BCL7A: variants seen among roughly 807,000 people sequenced by gnomAD.
BCL7A encodes the protein BAF chromatin remodeling complex subunit BCL7A.
Under a neutral mutation model 28.4 loss-of-function variants are expected in BCL7A, and 11 were observed. The ratio of observed to expected loss-of-function variants is 0.39; its 90% CI spans 0.24 to 0.64. The LOEUF (loss-of-function observed/expected upper bound fraction) is 0.64. Ranked by LOEUF, BCL7A falls within the 30% of genes least tolerant of loss-of-function variation. The probability of loss-of-function intolerance (pLI) is 0.50; values close to 1 mark genes in which losing one functional copy is unlikely to be tolerated. For synonymous variants in BCL7A, 123 were observed against 103.3 expected (o/e 1.19, Z -1.15); for missense variants, 222 against 274.8 (o/e 0.81, Z 1.36).
In BCL7A at chr12:122,059,679, C is replaced by T. The variant is rs73417628; in HGVS notation, c.*516C>T. ...CTTGGTTTGGTTCGGGCGGCGGCTG[C>T]CACCCTACTCACCGCTCTCCTCCCT... On this transcript the variant is annotated 3_prime_UTR_variant, in exon 6 of 6. Transcript: ENST00000261822. This position sits in a 1 kb window ranked among gnomAD's most constrained non-coding sequence, Gnocchi z 4.0. The T allele has an allele frequency of 0.03, 6,954 of 232,988 alleles. 469 individuals are homozygous for T. Among genetic ancestry groups the T allele is most frequent in the African/African-American group, 0.14 (6,388 of 45,348 alleles). The allele number at this position is 232,988 out of a possible 1,614,324, so 14.4% of individuals were successfully genotyped here. A position where few individuals can be genotyped will look rare whatever the true frequency, so the allele number is the denominator to read the frequency against.
At chr12:122,046,314 G>A (rs150906843) in intron 4 of BCL7A, among the ~76,000 whole-genome samples, 9 of 152,250 alleles carry the variant, frequency 5.9e-5, no homozygotes, top group Non-Finnish European at 1.2e-4. Flanking sequence ...ACACCCATGA[G>A]GAGCTGGCGA....
rs1242583095 is a variant in BCL7A at position 122,021,916 on chromosome 12, TTGTGTGTGTGTGTATGTGTGTG to T, written c.-162_-141del. Reference sequence around the variant, plus strand: ...GCCAGGCGCGCGGCGGCCCCGGGCTTTGTGTGTGTGTGTATGTGTGTGTGTGTGTGTGTGTGTGTGTGAGTGT... The same window carrying T: ...GCCAGGCGCGCGGCGGCCCCGGGCTTTGTGTGTGTGTGTGTGTGTGAGTGT... On this transcript the variant is annotated 5_prime_UTR_variant, in exon 1 of 6. An upstream start codon of the reference 5' UTR is lost. Coordinates refer to ENST00000261822, the MANE Select transcript of BCL7A (RefSeq NM_001024808.3). 6.2e-5 allele frequency: 22 copies of T among 353,828 alleles called. No individual in the cohort carries two copies. The highest frequency in any genetic ancestry group is 4.0e-4 in the Admixed American group (8 of 20,086). The allele number at this position is 353,828 out of a possible 1,614,324, so 21.9% of individuals were successfully genotyped here.
At chr12:122,055,056 T>A in intron 5 of BCL7A, 130 bp downstream of exon 5, 2 of 1,558,294 alleles carry the variant, frequency 1.3e-6, no homozygotes, top group Non-Finnish European at 1.7e-6. Context: ...AACTGTCATT[T>A]GTCCATTGGG....
chr12:122,056,960 T>A (rs1397751506), intron 5 of BCL7A, among the ~76,000 whole-genome samples: 1 of 152,188 alleles, frequency 6.6e-6, no homozygotes, highest in African/African-American at 2.4e-5. Flanking sequence ...CTCTGCAACA[T>A]TTATCTCTGA....
At chr12:122,039,507 A>T (rs1419070446) in intron 3 of BCL7A, among the ~76,000 whole-genome samples, 4 of 140,704 alleles carry the variant, frequency 2.8e-5, no homozygotes, top group Admixed American at 7.5e-5. Context: ...TATATATATA[A>T]TATATATATT....
At chr12:122,032,240 T>C (rs1034750594) in intron 2 of BCL7A, among the ~76,000 whole-genome samples, 1 of 152,174 alleles carries the variant, frequency 6.6e-6, no homozygotes, top group African/African-American at 2.4e-5. Flanking sequence ...ACTTGGGCCT[T>C]TGTTGTCCCT....
rs1951898727 is a variant in BCL7A, at chr12:122,059,081, C to T, written c.562-11C>T. The T allele has an allele frequency of 6.3e-7, 1 of 1,599,414 alleles. No homozygotes were observed. Among genetic ancestry groups the T allele is most frequent in the Non-Finnish European group, 8.6e-7 (1 of 1,166,560 alleles). On this transcript the variant is annotated splice_polypyrimidine_tract_variant and intron_variant, in intron 5 of 5. Coordinates refer to ENST00000261822, the MANE Select transcript of BCL7A (RefSeq NM_001024808.3). This position sits in a 1 kb window ranked among gnomAD's most constrained non-coding sequence, Gnocchi z 4.0. ...CATTAACCTGTGTTCCCCTTTTCTC[C>T]TCTCCCCAAGGATTTGGAAGGAGTG...
At chr12:122,040,726 GTGGGCCGGGCAAGTTTTC>G (rs1883948854) in intron 3 of BCL7A, among the ~76,000 whole-genome samples, 1 of 152,042 alleles carries the variant, frequency 6.6e-6, no homozygotes, top group African/African-American at 2.4e-5. Context: ...AGGGAAAGGT[GTGGGCCGGGCAAGTTTTC>G]TGGAAGGCTT....
Position 122,031,016 on chromosome 12 carries a change from GTCT to G in BCL7A, c.174+258_174+260del, listed in dbSNP as rs113429275. On this transcript the variant is annotated intron_variant, in intron 2 of 5. Coordinates refer to ENST00000261822, the MANE Select transcript of BCL7A (RefSeq NM_001024808.3). ...TGGACGGGGGGATCCCGCAAGCTGT[GTCT>G]TCTTCTTCTTCTTCTTCTTCTTTTT... Among the ~76,000 whole-genome samples the G allele has an allele frequency of 5.2e-4, 79 of 151,642 alleles. 1 individual carries two copies. The South Asian group carries it at 5.8e-3, about 11-fold the overall frequency.
intron 1 of BCL7A, among the ~76,000 whole-genome samples, chr12:122,022,946 T>A (rs1883504146): frequency 6.6e-6 from 1 of 152,100 alleles, no homozygotes; most frequent in Admixed American, 6.5e-5. Context: ...CAGAAGCCGT[T>A]CGTCCTGGGC....
At chr12:122,031,865 C>T (rs1463385793) in intron 2 of BCL7A, among the ~76,000 whole-genome samples, 1 of 152,220 alleles carries the variant, frequency 6.6e-6, no homozygotes, top group Non-Finnish European at 1.5e-5. Flanking sequence ...TTCGTGGTTC[C>T]CAGGCCAGTT....
chr12:122,058,204 T>C (rs1033313964), intron 5 of BCL7A, among the ~76,000 whole-genome samples: 8 of 151,816 alleles, frequency 5.3e-5, no homozygotes, highest in Non-Finnish European at 7.4e-5. Context: ...CTAAAAAAAA[T>C]TATAAAAAGA....
chr12:122,028,293 C>G (rs767149259), intron 1 of BCL7A, among the ~76,000 whole-genome samples: 1 of 152,182 alleles, frequency 6.6e-6, no homozygotes, highest in African/African-American at 2.4e-5. Context: ...CTGCGGTGGC[C>G]TCGAGCCTCG....
intron 2 of BCL7A, among the ~76,000 whole-genome samples, chr12:122,033,339 G>T (rs537560696): frequency 1.8e-4 from 27 of 151,892 alleles, no homozygotes; most frequent in African/African-American, 6.5e-4. Context: ...TTTTGAGACA[G>T]AGTCTCACTC....
chr12:122,060,266 T>C lies in BCL7A; in HGVS notation c.*1103T>C, dbSNP rs899402972. The C allele has an allele frequency of 2.6e-5, 6 of 232,666 alleles. No homozygotes were observed. 14.4% of individuals were successfully genotyped at this position (232,666 alleles called of 1,614,324 possible). A position where few individuals can be genotyped will look rare whatever the true frequency, so the allele number is the denominator to read the frequency against. On this transcript the variant is annotated 3_prime_UTR_variant, in exon 6 of 6. Transcript: ENST00000261822. ...TGGTCAGAATCCACGTGCTTTCCTA[T>C]TCTCAGGCTGTTCTGACTCTGAGCC...
At chr12:122,025,458 A>T (rs2135837807) in intron 1 of BCL7A, among the ~76,000 whole-genome samples, 1 of 151,862 alleles carries the variant, frequency 6.6e-6, no homozygotes, top group Middle Eastern at 3.4e-3. Flanking sequence ...CCCCGTCTCT[A>T]CTAAAAAAAT....
rs771088747 is a variant in BCL7A, at chr12:122,060,327, G to A, written c.*1164G>A. 8.6e-5 allele frequency: 20 copies of A among 232,666 alleles called. No individual in the cohort carries two copies. The highest frequency in any genetic ancestry group is 2.5e-3 in the Middle Eastern group (2 of 802). 14.4% of individuals were successfully genotyped at this position (232,666 alleles called of 1,614,324 possible). The stretch of plus-strand genomic sequence containing the variant: ...CCGTGTCTCATCCCCAGAACATGCC[G>A]TCTGTCCCCACCGGGGAGTGGGCCT... On this transcript the variant is annotated 3_prime_UTR_variant, in exon 6 of 6. Transcript: ENST00000261822.
At chr12:122,031,752 T>C (rs1456050763) in intron 2 of BCL7A, among the ~76,000 whole-genome samples, 1 of 152,086 alleles carries the variant, frequency 6.6e-6, no homozygotes, top group African/African-American at 2.4e-5. Context: ...CCAGGAGGGC[T>C]CCAGGAGGGG....
chr12:122,023,618 G>C (rs2135834809), intron 1 of BCL7A, among the ~76,000 whole-genome samples: 1 of 152,328 alleles, frequency 6.6e-6, no homozygotes, highest in East Asian at 1.9e-4. Flanking sequence ...GTGGGACAAA[G>C]AATTTTCAGA....
Sources: gnomAD v4.1 joint callset for allele counts (sites outside exome capture counted in the v4.1 genomes callset) on GRCh38, gnomAD v4.1.1 for gene constraint, Gnocchi (gnomAD v3.1) non-coding constraint, MANE v1.5 for transcripts, NCBI Gene and HGNC (gene_info 2026-07-23, HGNC 2026-07-21) for gene names.